Variants in RNF24 observed in about 807,000 individuals in gnomAD.
RNF24 encodes the protein ring finger protein 24.
In RNF24, 14 loss-of-function variants were observed where a neutral mutation model predicts 20.0. That is an observed-to-expected ratio of 0.70 (90% CI 0.46 to 1.10). The LOEUF is 1.10. Ranked by LOEUF, RNF24 falls within the 50% of genes least tolerant of loss-of-function variation. RNF24 has a pLI of 0.00. For synonymous variants in RNF24, 45 were observed against 61.1 expected (o/e 0.74, Z 1.23); for missense variants, 124 against 177.6 (o/e 0.70, Z 1.71).
chr20:3,953,605 C>T (rs1214583120), intron 2 of RNF24, among the ~76,000 whole-genome samples: 3 of 151,854 alleles, frequency 2.0e-5, no homozygotes, highest in African/African-American at 7.3e-5. Flanking sequence ...GCTGGGATTA[C>T]AGACACATGC....
At chr20:3,946,813 T>C (rs975828393) in intron 3 of RNF24, among the ~76,000 whole-genome samples, 1 of 152,150 alleles carries the variant, frequency 6.6e-6, no homozygotes, top group African/African-American at 2.4e-5. Context: ...AGTGTGGGGT[T>C]ACCTAAGGAC....
Position 3,928,384 on chromosome 20 carries a change from A to G in RNF24, c.*5679T>C, listed in dbSNP as rs896074522. ...GGCAGCTGCTGGGAAGCGAGGCACA[A>G]GTCTGTGCCCCTACTCCCAGGGCTG... is the stretch of plus-strand genomic sequence containing the variant. On this transcript the variant is annotated 3_prime_UTR_variant, in exon 6 of 6. Transcript: ENST00000358395. 1 of 152,234 alleles carries G rather than the reference A, an allele frequency of 6.6e-6. No individual in the cohort carries two copies. The highest frequency in any genetic ancestry group is 2.4e-5 in the African/African-American group (1 of 41,444). The allele number at this position is 152,234 out of a possible 1,614,324, so 9.4% of individuals were successfully genotyped here.
In RNF24 at chr20:3,930,206, T is replaced by C. The variant is rs1025268821; in HGVS notation, c.*3857A>G. On this transcript the variant is annotated 3_prime_UTR_variant, in exon 6 of 6. Coordinates refer to ENST00000358395, the MANE Select transcript of RNF24 (RefSeq NM_001134337.3). ...GTGAACCACATGAATGGATTACCTA[T>C]TCAAAACATTAAGAAAGAAATATTC... 5.9e-5 allele frequency: 9 copies of C among 152,162 alleles called. No individual in the cohort carries two copies. The highest frequency in any genetic ancestry group is 1.9e-4 in the African/African-American group (8 of 41,434). 9.4% of individuals were successfully genotyped at this position (152,162 alleles called of 1,614,324 possible).
In RNF24 at chr20:3,934,932, A is replaced by G. The variant is rs1410575225; in HGVS notation, c.308+62T>C. On this transcript the variant is annotated intron_variant, in intron 5 of 5. Coordinates refer to ENST00000358395, the MANE Select transcript of RNF24 (RefSeq NM_001134337.3). This position sits in a 1 kb window ranked among gnomAD's most constrained non-coding sequence, Gnocchi z 4.0. ...TGTCTGGCACTGCCCTAAAACCCAA[A>G]AGAAGTTGGTTGATGTGCCTCAAAC... 2 of 1,424,670 alleles carry G rather than the reference A, an allele frequency of 1.4e-6. No individual in the cohort carries two copies. Among genetic ancestry groups the G allele is most frequent in the Admixed American group, 3.4e-5 (2 of 59,134 alleles). The allele number at this position is 1,424,670 out of a possible 1,614,324, so 88.3% of individuals were successfully genotyped here.
At chr20:3,985,860 TC>T (rs1979851608) in intron 1 of RNF24, among the ~76,000 whole-genome samples, 1 of 152,024 alleles carries the variant, frequency 6.6e-6, no homozygotes, top group African/African-American at 2.4e-5. Flanking sequence ...TACCTCCGCC[TC>T]CCGAGTAGCT....
intron 1 of RNF24, among the ~76,000 whole-genome samples, chr20:4,008,443 AAT>A (rs1300328132): frequency 4.5e-4 from 10 of 22,318 alleles, no homozygotes; most frequent in African/African-American, 9.1e-4. Flanking sequence ...TAATATGTAT[AAT>A]ATATATAATA....
chr20:3,997,519 C>T (rs890484271), intron 1 of RNF24, among the ~76,000 whole-genome samples: 1 of 151,930 alleles, frequency 6.6e-6, no homozygotes, highest in Non-Finnish European at 1.5e-5. Context: ...CTCAAACTCC[C>T]ATGCCCAGAC....
chr20:3,932,382 C>T lies in RNF24; in HGVS notation c.*1681G>A, dbSNP rs1313372485. 1 of 152,278 alleles carries T rather than the reference C, an allele frequency of 6.6e-6. No homozygotes were observed. The highest frequency in any genetic ancestry group is 1.5e-5 in the Non-Finnish European group (1 of 68,136). The allele number at this position is 152,278 out of a possible 1,614,324, so 9.4% of individuals were successfully genotyped here. Reference sequence around the variant, plus strand: ...TTCCTCGTCCTGTTTAGGAAGCAGTCCAGTTGGCATACCACGAATAGGTCA... The same window carrying T: ...TTCCTCGTCCTGTTTAGGAAGCAGTTCAGTTGGCATACCACGAATAGGTCA... On this transcript the variant is annotated 3_prime_UTR_variant, in exon 6 of 6. Transcript: ENST00000358395.
intron 1 of RNF24, among the ~76,000 whole-genome samples, chr20:3,997,523 C>T (rs1454365193): frequency 6.6e-6 from 1 of 151,794 alleles, no homozygotes; most frequent in African/African-American, 2.4e-5. Context: ...AACTCCCATG[C>T]CCAGACAATC....
intron 1 of RNF24, among the ~76,000 whole-genome samples, chr20:4,014,423 A>ATT (rs1303579123): frequency 2.6e-5 from 4 of 152,300 alleles, no homozygotes; most frequent in African/African-American, 9.6e-5. Context: ...ATTCGGACAA[A>ATT]TTATCAATGA....
chr20:3,985,279 G>A (rs1241057842), intron 1 of RNF24, among the ~76,000 whole-genome samples: 1 of 152,036 alleles, frequency 6.6e-6, no homozygotes. Context: ...GTTTGAGAAA[G>A]GGTCTCACTA....
chr20:3,965,413 T>C (rs1033720445), intron 1 of RNF24, among the ~76,000 whole-genome samples: 1 of 152,242 alleles, frequency 6.6e-6, no homozygotes, highest in South Asian at 2.1e-4. Context: ...TAGTAACATA[T>C]ATCAGGAAGT....
intron 4 of RNF24, among the ~76,000 whole-genome samples, chr20:3,941,965 T>C (rs1201403602): frequency 2.0e-5 from 3 of 151,504 alleles, no homozygotes; most frequent in Non-Finnish European, 4.4e-5. Context: ...TCCCAGCTAC[T>C]TGGGAGGCTG....
rs1202989887 is a variant in RNF24 at position 3,932,931 on chromosome 20, C to T, written c.*1132G>A. On this transcript the variant is annotated 3_prime_UTR_variant, in exon 6 of 6. Coordinates refer to ENST00000358395, the MANE Select transcript of RNF24 (RefSeq NM_001134337.3). ...ACTTTCAGTTTCGGAAGTCCAAATACTGAGGCACACACCAACGGTGGACAG... is the reference window on the plus strand; with the variant it reads ...ACTTTCAGTTTCGGAAGTCCAAATATTGAGGCACACACCAACGGTGGACAG... The T allele has an allele frequency of 5.0e-6, 2 of 398,608 alleles. No individual in the cohort carries two copies. The highest frequency in any genetic ancestry group is 8.8e-6 in the Non-Finnish European group (2 of 226,064). 24.7% of individuals were successfully genotyped at this position (398,608 alleles called of 1,614,324 possible).
At chr20:3,955,212 C>G (rs1007786227) in intron 2 of RNF24, among the ~76,000 whole-genome samples, 1 of 152,070 alleles carries the variant, frequency 6.6e-6, no homozygotes, top group South Asian at 2.1e-4. Context: ...TGTCTTTTTG[C>G]TGTTAAATTT....
chr20:4,006,939 T>C (rs1016566488), intron 1 of RNF24, among the ~76,000 whole-genome samples: 6 of 152,262 alleles, frequency 3.9e-5, no homozygotes, highest in Non-Finnish European at 7.3e-5. Context: ...AGGACTGCAC[T>C]AGTTGGAATG....
chr20:3,947,901 C>G (rs1270713245), intron 3 of RNF24, among the ~76,000 whole-genome samples: 3 of 152,028 alleles, frequency 2.0e-5, no homozygotes, highest in Admixed American at 6.6e-5. Flanking sequence ...ACAAAATTAG[C>G]CAGGCGTGGT....
chr20:4,007,229 A>G (rs542939486), intron 1 of RNF24, among the ~76,000 whole-genome samples: 1 of 152,338 alleles, frequency 6.6e-6, no homozygotes, highest in South Asian at 2.1e-4. Context: ...CAAGACAAGT[A>G]ATAAGAGAAT....
intron 1 of RNF24, among the ~76,000 whole-genome samples, chr20:3,969,824 G>A (rs2091296307): frequency 6.7e-6 from 1 of 148,626 alleles, no homozygotes; most frequent in Non-Finnish European, 1.5e-5. Flanking sequence ...AGGCTGGAGT[G>A]CAGTGGTGTG....
Sources: gnomAD v4.1 joint callset for allele counts (sites outside exome capture counted in the v4.1 genomes callset) on GRCh38, gnomAD v4.1.1 for gene constraint, Gnocchi (gnomAD v3.1) non-coding constraint, MANE v1.5 for transcripts, NCBI Gene and HGNC (gene_info 2026-07-23, HGNC 2026-07-21) for gene names.